The following PFKFB3 variants were observed in gnomAD, a reference collection of about 807,000 sequenced individuals.
The protein encoded by PFKFB3 is 6-phosphofructo-2-kinase/fructose-2,6-biphosphatase 3.
In PFKFB3, 33 loss-of-function variants were observed where a neutral mutation model predicts 68.0. The ratio of observed to expected loss-of-function variants is 0.49; its 90% CI spans 0.37 to 0.65. The LOEUF (loss-of-function observed/expected upper bound fraction) is 0.65. Among genes scored for constraint, PFKFB3 ranks in the 30% least tolerant of loss-of-function variants. PFKFB3 has a pLI of 0.00. For missense variants in PFKFB3, 586 were observed against 712.2 expected (o/e 0.82, Z 2.02); for synonymous variants, 315 against 288.2 (o/e 1.09, Z -0.94).
intron 14 of PFKFB3, among the ~76,000 whole-genome samples, chr10:6,253,625 A>G (rs1177921171): frequency 1.3e-5 from 2 of 152,026 alleles, no homozygotes; most frequent in Non-Finnish European, 2.9e-5. Context: ...CTCCTGCCTC[A>G]GGTGCTGGTG....
At chr10:6,146,211 A>G (rs1478431115) in intron 1 of PFKFB3, 5 of 1,426,972 alleles carry the variant, frequency 3.5e-6, no homozygotes, top group Non-Finnish European at 3.7e-6. Flanking sequence ...GCACCCACCC[A>G]TCTGCCTCTC....
chr10:6,246,837 TC>T (rs1846273530), intron 14 of PFKFB3, among the ~76,000 whole-genome samples: 1 of 152,108 alleles, frequency 6.6e-6, no homozygotes, highest in Non-Finnish European at 1.5e-5. Context: ...TGTCTGCTGT[TC>T]CCATCGTAAG....
chr10:6,214,299 C>T (rs1344289944), intron 2 of PFKFB3, among the ~76,000 whole-genome samples: 1 of 152,148 alleles, frequency 6.6e-6, no homozygotes, highest in Non-Finnish European at 1.5e-5. Context: ...TTGTGTGCTC[C>T]TTATGATAAT....
At chr10:6,306,612 A>G in the PFKFB3 span, among the ~76,000 whole-genome samples, 1 of 152,240 alleles carries the variant, frequency 6.6e-6, no homozygotes, top group Non-Finnish European at 1.5e-5. Flanking sequence ...ACCCAGAAAG[A>G]TGAATTAAGA....
chr10:6,290,438 C>A, the PFKFB3 span, among the ~76,000 whole-genome samples: 1 of 151,696 alleles, frequency 6.6e-6, no homozygotes, highest in Admixed American at 6.6e-5. Context: ...TTGTCAAAGG[C>A]CTTTTCTGCA....
chr10:6,195,627 A>G (rs1220526379), intron 1 of PFKFB3, among the ~76,000 whole-genome samples: 1 of 152,164 alleles, frequency 6.6e-6, no homozygotes, highest in Admixed American at 6.5e-5. Context: ...CTGGTAAGAG[A>G]ATGCAGATAA....
chr10:6,221,350 G>GA (rs1385859630), intron 8 of PFKFB3, 31 bp from the exon 9 acceptor site: 8 of 1,612,156 alleles, frequency 5.0e-6, no homozygotes, highest in Non-Finnish European at 6.8e-6. Context: ...CGGGCATCTG[G>GA]AATCAGTGGT....
chr10:6,246,031 A>G (rs1389521680), intron 14 of PFKFB3, among the ~76,000 whole-genome samples: 2 of 151,974 alleles, frequency 1.3e-5, no homozygotes, highest in Non-Finnish European at 2.9e-5. Flanking sequence ...CTTCTCGAAG[A>G]CCCTCTATGC....
chr10:6,260,015 A>G, the PFKFB3 span, among the ~76,000 whole-genome samples: 2 of 152,198 alleles, frequency 1.3e-5, no homozygotes, highest in Admixed American at 1.3e-4. Context: ...CCACATTGTA[A>G]TCTTTTTATG....
chr10:6,164,633 C>CT (rs1842074954), intron 1 of PFKFB3, among the ~76,000 whole-genome samples: 1 of 151,996 alleles, frequency 6.6e-6, no homozygotes, highest in Non-Finnish European at 1.5e-5. Flanking sequence ...GTGGCCGTCT[C>CT]TGAGTTCCCT....
chr10:6,300,461 C>T, the PFKFB3 span, among the ~76,000 whole-genome samples: 24 of 152,280 alleles, frequency 1.6e-4, no homozygotes, highest in East Asian at 1.9e-4. Flanking sequence ...TCCCCCATGC[C>T]CCCGGCAGCT....
intron 1 of PFKFB3, among the ~76,000 whole-genome samples, chr10:6,173,840 T>C (rs1041587695): frequency 4.6e-5 from 7 of 152,046 alleles, no homozygotes; most frequent in African/African-American, 1.7e-4. Flanking sequence ...TGATTGTTTC[T>C]GAGCAGGGGA....
chr10:6,171,346 G>A (rs910708532), intron 1 of PFKFB3, among the ~76,000 whole-genome samples: 2 of 151,718 alleles, frequency 1.3e-5, no homozygotes, highest in Non-Finnish European at 2.9e-5. Flanking sequence ...TAAGCCACCG[G>A]GCCCGGCCCT....
chr10:6,267,734 C>A, the PFKFB3 span, among the ~76,000 whole-genome samples: 1 of 151,950 alleles, frequency 6.6e-6, no homozygotes, highest in South Asian at 2.1e-4. Context: ...GCGGGCGGAT[C>A]ACCTGAAGTC....
At chr10:6,157,378 C>T (rs1182907728) in intron 1 of PFKFB3, among the ~76,000 whole-genome samples, 2 of 152,004 alleles carry the variant, frequency 1.3e-5, no homozygotes, top group African/African-American at 4.8e-5. Context: ...AGGCGCCCGC[C>T]GCCCCGCCCA....
chr10:6,185,003 T>C (rs1017455493), intron 1 of PFKFB3, among the ~76,000 whole-genome samples: 4 of 152,250 alleles, frequency 2.6e-5, no homozygotes, highest in African/African-American at 7.2e-5. Context: ...TCTTTTTCTC[T>C]CCCCAGATTA....
the PFKFB3 span, among the ~76,000 whole-genome samples, chr10:6,307,389 C>T: frequency 1.3e-5 from 2 of 151,814 alleles, no homozygotes; most frequent in African/African-American, 4.8e-5. Context: ...GGTTCTGTTT[C>T]TCTGGAGAAC....
At chr10:6,256,699 A>G (rs138573559), downstream of PFKFB3, among the ~76,000 whole-genome samples, 1 of 152,322 alleles carries the variant, frequency 6.6e-6, no homozygotes, top group Non-Finnish European at 1.5e-5. Context: ...CAATCCTGAA[A>G]CTTCACGAAG....
the PFKFB3 span, among the ~76,000 whole-genome samples, chr10:6,299,968 C>CTA: frequency 6.2e-5 from 3 of 48,586 alleles, no homozygotes; most frequent in Non-Finnish European, 1.0e-4. Context: ...GTTCAGAAGA[C>CTA]TTTTTTTTTT....
Sources: gnomAD v4.1 joint callset for allele counts (sites outside exome capture counted in the v4.1 genomes callset) on GRCh38, gnomAD v4.1.1 for gene constraint, MANE v1.5 for transcripts, NCBI Gene and HGNC (gene_info 2026-07-23, HGNC 2026-07-21) for gene names.